Variants in SEMA3B observed in about 807,000 individuals in gnomAD.
SEMA3B encodes the protein semaphorin 3B.
In SEMA3B, 71 loss-of-function variants were observed where a neutral mutation model predicts 77.8. The observed-to-expected ratio is 0.91, with a 90% confidence interval of 0.75 to 1.11. The LOEUF is 1.11. Ranked by LOEUF, SEMA3B falls within the 50% of genes most tolerant of loss-of-function variation. The pLI is 0.00. For missense variants in SEMA3B, 968 were observed against 1,056.8 expected (o/e 0.92, Z 1.17); for synonymous variants, 470 against 452.9 (o/e 1.04, Z -0.48).
Position 50,273,664 on chromosome 3 carries a change from T to C in SEMA3B, c.922+18T>C, listed in dbSNP as rs1701123174. The C allele has an allele frequency of 6.2e-7, 1 of 1,606,640 alleles. No individual in the cohort carries two copies. The highest frequency in any genetic ancestry group is 2.2e-5 in the East Asian group (1 of 44,800). On this transcript the variant is annotated intron_variant, in intron 8 of 16. Transcript: ENST00000616701. The surrounding 1 kb of genome is among the most constrained non-coding windows in gnomAD (Gnocchi z 6.5). ...TCAGCTCCGTGAGTGCGGGAGTGGG[T>C]ATGGGGTTGGGGAGGGGGGCAGCGG...
At chr3:50,264,596 TTCAGAGCCCCATA>T (rs1700870575), upstream of SEMA3B, among the ~76,000 whole-genome samples, 1 of 152,166 alleles carries the variant, frequency 6.6e-6, no homozygotes, top group Admixed American at 6.5e-5. Flanking sequence ...CCCCAGAGCA[TTCAGAGCCCCATA>T]CCCAGTACTC....
At position 50,270,663 on chromosome 3, in the gene SEMA3B, T is replaced by G. The variant is rs1265615713; in HGVS notation, c.330+168T>G. On this transcript the variant is annotated intron_variant, in intron 3 of 16. Transcript: ENST00000616701. This position sits in a 1 kb window ranked among gnomAD's most constrained non-coding sequence, Gnocchi z 4.7. ...TCAGGGTGGGGGCTCGTGTAATTCT[T>G]CTGGGGTGCCTCTGAGTCATGGGAG... 8.8e-7 allele frequency: 1 copy of G among 1,140,898 alleles called. No homozygotes were observed. The highest frequency in any genetic ancestry group is 2.4e-5 in the Admixed American group (1 of 42,532). The allele number at this position is 1,140,898 out of a possible 1,614,324, so 70.7% of individuals were successfully genotyped here. A position where few individuals can be genotyped will look rare whatever the true frequency, so the allele number is the denominator to read the frequency against.
chr3:50,274,721 C>A lies in SEMA3B; in HGVS notation c.1358-122C>A. ...CCCTGTGGATGCTGCCCAACCCACA[C>A]TCTTCCAGTCCACACTCTTCACAAC... is the stretch of plus-strand genomic sequence containing the variant. On this transcript the variant is annotated intron_variant, in intron 11 of 16. Transcript: ENST00000616701. This position sits in a 1 kb window ranked among gnomAD's most constrained non-coding sequence, Gnocchi z 4.7. 1.4e-6 allele frequency: 2 copies of A among 1,392,030 alleles called. No homozygotes were observed. Among genetic ancestry groups the A allele is most frequent in the Non-Finnish European group, 2.0e-6 (2 of 1,011,092 alleles). 86.2% of individuals were successfully genotyped at this position (1,392,030 alleles called of 1,614,324 possible). A position where few individuals can be genotyped will look rare whatever the true frequency, so the allele number is the denominator to read the frequency against.
chr3:50,273,678 G>C lies in SEMA3B; in HGVS notation c.922+32G>C. On this transcript the variant is annotated intron_variant, in intron 8 of 16. Transcript: ENST00000616701. This position sits in a 1 kb window ranked among gnomAD's most constrained non-coding sequence, Gnocchi z 6.5. ...GCGGGAGTGGGTATGGGGTTGGGGAGGGGGGCAGCGGCGCAGACTCCGGGA... is the reference window on the plus strand; with the variant it reads ...GCGGGAGTGGGTATGGGGTTGGGGACGGGGGCAGCGGCGCAGACTCCGGGA... 1 of 1,603,340 alleles carries C rather than the reference G, an allele frequency of 6.2e-7. No homozygotes were observed. Among genetic ancestry groups the C allele is most frequent in the Non-Finnish European group, 8.5e-7 (1 of 1,177,766 alleles).
chr3:50,264,653 G>A (rs1358909548), upstream of SEMA3B, among the ~76,000 whole-genome samples: 1 of 152,192 alleles, frequency 6.6e-6, no homozygotes, highest in Non-Finnish European at 1.5e-5. Context: ...TTAGGAGAAT[G>A]TAGTATTTAT....
chr3:50,276,880 G>A lies in SEMA3B; in HGVS notation c.*174G>A. The A allele has an allele frequency of 1.3e-6, 1 of 742,872 alleles. No individual in the cohort carries two copies. Among genetic ancestry groups the A allele is most frequent in the Non-Finnish European group, 2.0e-6 (1 of 499,274 alleles). 46.0% of individuals were successfully genotyped at this position (742,872 alleles called of 1,614,324 possible). ...AGCTGCGCGGGCTTATTTATTAACA[G>A]GATAACCCTTGAATGTAGCAGCCCC... On this transcript the variant is annotated 3_prime_UTR_variant, in exon 17 of 17. Coordinates refer to ENST00000616701, the MANE Select transcript of SEMA3B (RefSeq NM_001290060.2). The surrounding 1 kb of genome is among the most constrained non-coding windows in gnomAD (Gnocchi z 5.8).
Position 50,275,508 on chromosome 3 carries a change from C to T in SEMA3B, c.1649+49C>T, listed in dbSNP as rs1269114937. On this transcript the variant is annotated intron_variant, in intron 14 of 16. Coordinates refer to ENST00000616701, the MANE Select transcript of SEMA3B (RefSeq NM_001290060.2). The surrounding 1 kb of genome is among the most constrained non-coding windows in gnomAD (Gnocchi z 7.5). Reference sequence around the variant, plus strand: ...GCCGGGAGGGAGGCGAAGGGTCTTTCACTGCCCGGGGCTGAAAGAAGGGCT... The same window carrying T: ...GCCGGGAGGGAGGCGAAGGGTCTTTTACTGCCCGGGGCTGAAAGAAGGGCT... 1.9e-6 allele frequency: 3 copies of T among 1,612,672 alleles called. No homozygotes were observed. The highest frequency in any genetic ancestry group is 2.5e-6 in the Non-Finnish European group (3 of 1,179,302).
Position 50,273,709 on chromosome 3 carries a change from C to G in SEMA3B, c.923-50C>G, listed in dbSNP as rs1302555398. ...CAGCGGCGCAGACTCCGGGAGCCCCCGCCGCAGCGGGGCTGTGCGCCCTAC... is the reference window on the plus strand; with the variant it reads ...CAGCGGCGCAGACTCCGGGAGCCCCGGCCGCAGCGGGGCTGTGCGCCCTAC... On this transcript the variant is annotated intron_variant, in intron 8 of 16. Transcript: ENST00000616701. This position sits in a 1 kb window ranked among gnomAD's most constrained non-coding sequence, Gnocchi z 6.5. 3.7e-6 allele frequency: 6 copies of G among 1,602,978 alleles called. No homozygotes were observed. In the Admixed American group the frequency reaches 6.7e-5, roughly 18 times the overall value.
At chr3:50,264,234 A>C (rs1487544629), upstream of SEMA3B, among the ~76,000 whole-genome samples, 1 of 151,950 alleles carries the variant, frequency 6.6e-6, no homozygotes, top group Non-Finnish European at 1.5e-5. Context: ...AAAAAAAAGT[A>C]CTGGGGTGAG....
In SEMA3B at chr3:50,276,739, A is replaced by G. The variant is rs1553706948; in HGVS notation, c.*33A>G. On this transcript the variant is annotated 3_prime_UTR_variant, in exon 17 of 17. Coordinates refer to ENST00000616701, the MANE Select transcript of SEMA3B (RefSeq NM_001290060.2). This position sits in a 1 kb window ranked among gnomAD's most constrained non-coding sequence, Gnocchi z 5.8. Reference sequence around the variant, plus strand: ...GTCCCCACGCCGGGAACCAAGCAGGAGACGACAGGCGAGAGAGGAGCCAGA... The same window carrying G: ...GTCCCCACGCCGGGAACCAAGCAGGGGACGACAGGCGAGAGAGGAGCCAGA... The G allele has an allele frequency of 2.7e-6, 4 of 1,456,616 alleles. No homozygotes were observed. Among genetic ancestry groups the G allele is most frequent in the Non-Finnish European group, 3.6e-6 (4 of 1,113,684 alleles). The allele number at this position is 1,456,616 out of a possible 1,614,324, so 90.2% of individuals were successfully genotyped here.
chr3:50,272,533 T>C (rs1218380404), intron 6 of SEMA3B, among the ~76,000 whole-genome samples: 1 of 151,820 alleles, frequency 6.6e-6, no homozygotes, highest in Non-Finnish European at 1.5e-5. Flanking sequence ...CAACATGGTG[T>C]AACCCCGTCT....
chr3:50,271,495 G>A lies in SEMA3B; in HGVS notation c.664+15G>A. The A allele has an allele frequency of 6.4e-7, 1 of 1,554,960 alleles. No individual in the cohort carries two copies. Among genetic ancestry groups the A allele is most frequent in the South Asian group, 1.2e-5 (1 of 84,212 alleles). On this transcript the variant is annotated intron_variant, in intron 6 of 16. Transcript: ENST00000616701. Reference sequence around the variant, plus strand: ...CTGGCTCAATGGTGAGAGGCTGGTGGGGTTGGTGGGTAGAGGTCGTCACCC... The same window carrying A: ...CTGGCTCAATGGTGAGAGGCTGGTGAGGTTGGTGGGTAGAGGTCGTCACCC...
Position 50,270,111 on chromosome 3 carries a change from G to T in SEMA3B, c.110-16G>T. 1.3e-6 allele frequency: 2 copies of T among 1,530,262 alleles called. No individual in the cohort carries two copies. The highest frequency in any genetic ancestry group is 1.8e-6 in the Non-Finnish European group (2 of 1,136,698). The allele number at this position is 1,530,262 out of a possible 1,614,324, so 94.8% of individuals were successfully genotyped here. A position where few individuals can be genotyped will look rare whatever the true frequency, so the allele number is the denominator to read the frequency against. Reference sequence around the variant, plus strand: ...CAGCATGGCTGGCGAGTCATCAGCAGTGTCCTGCCCTGCAGAGCTCCAGGC... The same window carrying T: ...CAGCATGGCTGGCGAGTCATCAGCATTGTCCTGCCCTGCAGAGCTCCAGGC... On this transcript the variant is annotated splice_polypyrimidine_tract_variant and intron_variant, in intron 1 of 16. Transcript: ENST00000616701. This position sits in a 1 kb window ranked among gnomAD's most constrained non-coding sequence, Gnocchi z 4.7.
At position 50,269,210 on chromosome 3, in the gene SEMA3B, C is replaced by G; in HGVS notation, c.-31C>G. On this transcript the variant is annotated 5_prime_UTR_variant, in exon 1 of 17. Transcript: ENST00000616701. The surrounding 1 kb of genome is among the most constrained non-coding windows in gnomAD (Gnocchi z 4.0). ...CTCAAGGCTCCTCCACACACACACC[C>G]GCTGAACCCTGAGCACCCTGAGCTG... 1.3e-6 allele frequency: 2 copies of G among 1,484,186 alleles called. No individual in the cohort carries two copies. The highest frequency in any genetic ancestry group is 1.8e-6 in the Non-Finnish European group (2 of 1,099,668). 91.9% of individuals were successfully genotyped at this position (1,484,186 alleles called of 1,614,324 possible).
In SEMA3B at chr3:50,276,205, G is replaced by A; in HGVS notation, c.1846-97G>A. 1 of 1,396,386 alleles carries A rather than the reference G, an allele frequency of 7.2e-7. No homozygotes were observed. The highest frequency in any genetic ancestry group is 9.3e-7 in the Non-Finnish European group (1 of 1,072,634). 86.5% of individuals were successfully genotyped at this position (1,396,386 alleles called of 1,614,324 possible). On this transcript the variant is annotated intron_variant, in intron 16 of 16. Coordinates refer to ENST00000616701, the MANE Select transcript of SEMA3B (RefSeq NM_001290060.2). The surrounding 1 kb of genome is among the most constrained non-coding windows in gnomAD (Gnocchi z 5.8). ...GGCACCCCTTTCCCGCTCCACCTCGGCTCCCAATGACTCTTTGCTTCTTCC... is the reference window on the plus strand; with the variant it reads ...GGCACCCCTTTCCCGCTCCACCTCGACTCCCAATGACTCTTTGCTTCTTCC...
Position 50,273,399 on chromosome 3 carries a change from G to A in SEMA3B, c.766G>A (p.Ala256Thr), listed in dbSNP as rs200317436. The A allele has an allele frequency of 1.2e-4, 201 of 1,613,662 alleles. 1 individual carries two copies. Among genetic ancestry groups the A allele is most frequent in the Admixed American group, 1.5e-4 (9 of 60,012 alleles). ...FRETAVEAAP[A>T]LGRLSVSRVG... The stretch of plus-strand genomic sequence containing the variant: ...TGAGACGGCGGTAGAGGCGGCGCCG[G>A]CACTGGGACGCCTGTCCGTGTCCCG... The change falls in exon 7 of 17, where the codon GCA becomes ACA. Residue 256 changes from alanine (A) to threonine (T), a missense_variant. Physicochemically the swap from Ala to Thr is moderately conservative, Grantham distance 58. Transcript: ENST00000616701. The surrounding 1 kb of genome is among the most constrained non-coding windows in gnomAD (Gnocchi z 6.5).
At position 50,276,367 on chromosome 3, in the gene SEMA3B, G is replaced by C. The variant is rs1553706717; in HGVS notation, c.1911G>C (p.Arg637=). Residue 637 remains arginine, a synonymous_variant, in exon 17 of 17, where the codon CGG becomes CGC. Transcript: ENST00000616701. The surrounding 1 kb of genome is among the most constrained non-coding windows in gnomAD (Gnocchi z 5.8). ...RGLLLRRLRR[R]DSGVYLCAAV... is the part of the protein sequence containing the mutation. ...TACTGCTGCGCAGGCTGCGGCGCCG[G>C]GACTCGGGCGTGTACTTGTGCGCCG... is the stretch of plus-strand genomic sequence containing the variant. The C allele has an allele frequency of 2.3e-5, 35 of 1,534,854 alleles. No homozygotes were observed. The highest frequency in any genetic ancestry group is 3.1e-5 in the Non-Finnish European group (35 of 1,145,216).
rs1263283693 is a variant in SEMA3B, at chr3:50,276,336, G to A, written c.1880G>A (p.Arg627Gln). Reference sequence around the variant, plus strand: ...GAGGAGCGCACCGAGCGCACCGCCCGGGGACTACTGCTGCGCAGGCTGCGG... The same window carrying A: ...GAGGAGCGCACCGAGCGCACCGCCCAGGGACTACTGCTGCGCAGGCTGCGG... ...LAEERTERTA[R>Q]GLLLRRLRRR... The change falls in exon 17 of 17, where the codon CGG becomes CAG. Residue 627 changes from arginine (R) to glutamine (Q), a missense_variant. Transcript: ENST00000616701. This position sits in a 1 kb window ranked among gnomAD's most constrained non-coding sequence, Gnocchi z 5.8. The A allele has an allele frequency of 6.5e-7, 1 of 1,528,570 alleles. No individual in the cohort carries two copies. Among genetic ancestry groups the A allele is most frequent in the Non-Finnish European group, 8.8e-7 (1 of 1,141,564 alleles). The allele number at this position is 1,528,570 out of a possible 1,614,324, so 94.7% of individuals were successfully genotyped here. A position where few individuals can be genotyped will look rare whatever the true frequency, so the allele number is the denominator to read the frequency against.
chr3:50,267,571 C>A (rs587709355), upstream of SEMA3B: 1 of 152,292 alleles, frequency 6.6e-6, no homozygotes, highest in Admixed American at 6.5e-5. This position sits in a 1 kb window ranked among gnomAD's most constrained non-coding sequence, Gnocchi z 5.7. Flanking sequence ...CTTTACGGCA[C>A]GGCGGGCGGT....
Sources: gnomAD v4.1 joint callset for allele counts (sites outside exome capture counted in the v4.1 genomes callset) on GRCh38, gnomAD v4.1.1 for gene constraint, Gnocchi (gnomAD v3.1) non-coding constraint, MANE v1.5 for transcripts, NCBI Gene and HGNC (gene_info 2026-07-23, HGNC 2026-07-21) for gene names.